SNX14: variants seen among roughly 807,000 people sequenced by gnomAD.
The protein encoded by SNX14 is sorting nexin 14, also known as sorting nexin-14.
Under a neutral mutation model 133.8 loss-of-function variants are expected in SNX14, and 93 were observed. That is an observed-to-expected ratio of 0.70 (90% CI 0.59 to 0.83). SNX14 has a LOEUF of 0.83. Ranked by LOEUF, SNX14 falls within the 40% of genes least tolerant of loss-of-function variation. The probability of loss-of-function intolerance (pLI) is 0.00; values close to 1 mark genes in which losing one functional copy is unlikely to be tolerated. For missense variants in SNX14, 945 were observed against 1,094.9 expected, an observed-to-expected ratio of 0.86 and a Z score of 1.93; for synonymous variants, 368 against 365.6, an observed-to-expected ratio of 1.01 and a Z score of -0.07.
At chr6:85,585,712 G>A (rs899522686) in intron 1 of SNX14, among the ~76,000 whole-genome samples, 8 of 152,008 alleles carry the variant, frequency 5.3e-5, no homozygotes, top group Admixed American at 6.5e-5. Context: ...TAGACCTAAC[G>A]GATGGAGTAA....
chr6:85,529,097 C>A (rs1411143975), intron 19 of SNX14, among the ~76,000 whole-genome samples: 1 of 150,700 alleles, frequency 6.6e-6, no homozygotes, highest in Non-Finnish European at 1.5e-5. Context: ...CCTGTCTCTA[C>A]TAAAAATACA....
chr6:85,558,057 C>A lies in SNX14; in HGVS notation c.553G>T (p.Asp185Tyr). 1.3e-6 allele frequency: 2 copies of A among 1,509,556 alleles called. No individual in the cohort carries two copies. The highest frequency in any genetic ancestry group is 1.8e-6 in the Non-Finnish European group (2 of 1,094,792). 93.5% of individuals were successfully genotyped at this position (1,509,556 alleles called of 1,614,324 possible). A position where few individuals can be genotyped will look rare whatever the true frequency, so the allele number is the denominator to read the frequency against. The change falls in exon 7 of 29, where the codon GAT becomes TAT. Residue 185 changes from aspartate to tyrosine, a missense_variant. Coordinates refer to ENST00000314673, the MANE Select transcript of SNX14 (RefSeq NM_153816.6). ...SVLIRRIHKV[D>Y]IPSIITKKLL... ...TTCTTGGTTATAATAGATGGAATAT[C>A]CACCTAGAAAAATTCAAGATTAAAA...
At chr6:85,590,054 G>C (rs979715428) in intron 1 of SNX14, among the ~76,000 whole-genome samples, 13 of 152,228 alleles carry the variant, frequency 8.5e-5, no homozygotes, top group African/African-American at 3.1e-4. Context: ...GCATAGTCCA[G>C]TATCAAAAGA....
chr6:85,531,903 C>T (rs1780428227), intron 18 of SNX14, among the ~76,000 whole-genome samples: 1 of 152,004 alleles, frequency 6.6e-6, no homozygotes, highest in Non-Finnish European at 1.5e-5. Context: ...TGACATGCAC[C>T]TATAGTCCCA....
chr6:85,576,999 C>T (rs1253051848), intron 1 of SNX14, among the ~76,000 whole-genome samples: 1 of 152,100 alleles, frequency 6.6e-6, no homozygotes, highest in Non-Finnish European at 1.5e-5. Flanking sequence ...AAAACTGTTG[C>T]AGTAATCTAT....
intron 21 of SNX14, among the ~76,000 whole-genome samples, chr6:85,524,474 T>C (rs1448603930): frequency 6.6e-6 from 1 of 151,932 alleles, no homozygotes; most frequent in Non-Finnish European, 1.5e-5. Flanking sequence ...GAGTGAGATG[T>C]CTCTGTTAAC....
Position 85,514,510 on chromosome 6 carries a change from A to G in SNX14, c.2388T>C (p.Tyr796=), listed in dbSNP as rs1195899216. 5.6e-6 allele frequency: 9 copies of G among 1,613,006 alleles called. No individual in the cohort carries two copies. The highest frequency in any genetic ancestry group is 7.6e-6 in the Non-Finnish European group (9 of 1,179,630). The change falls in exon 24 of 29, where the codon TAT becomes TAC. Residue 796 remains tyrosine, a synonymous_variant. Coordinates refer to ENST00000314673, the MANE Select transcript of SNX14 (RefSeq NM_153816.6). ...CTTAAACCACTTAGATCTTACCTAC[A>G]TACATCAGGTAATCATAGACTCCTT... ...TVEGVYDYLM[Y]VGRVVFQVPD... is the part of the protein sequence containing the mutation.
chr6:85,542,669 T>C lies in SNX14; in HGVS notation c.1389+513A>G, dbSNP rs572536356. ...TCGGCCTCCCAAAGTGCTGGGATTATAGGCCTGAGCCACCACACCCGGCCT... is the reference window on the plus strand; with the variant it reads ...TCGGCCTCCCAAAGTGCTGGGATTACAGGCCTGAGCCACCACACCCGGCCT... On this transcript the variant is annotated intron_variant, in intron 14 of 28. Transcript: ENST00000314673. Among the ~76,000 whole-genome samples, 23 of 152,186 alleles carry C rather than the reference T, an allele frequency of 1.5e-4. 1 individual carries two copies. Among genetic ancestry groups the C allele is most frequent in the Non-Finnish European group, 2.2e-4 (15 of 68,030 alleles).
chr6:85,548,776 G>C (rs565871884), intron 8 of SNX14, among the ~76,000 whole-genome samples: 1 of 152,042 alleles, frequency 6.6e-6, no homozygotes, highest in African/African-American at 2.4e-5. Flanking sequence ...AGACCAGCCT[G>C]GCCAACATGA....
chr6:85,568,496 C>T (rs1794610527), intron 4 of SNX14: 1 of 152,166 alleles, frequency 6.6e-6, no homozygotes, highest in Non-Finnish European at 1.5e-5. Context: ...ACACTCAAAT[C>T]AGTACATAAG....
At chr6:85,513,749 T>G in intron 26 of SNX14, 51 bp downstream of exon 26, 1 of 1,372,098 alleles carries the variant, frequency 7.3e-7, no homozygotes, top group Non-Finnish European at 1.0e-6. Flanking sequence ...CATTGTGACC[T>G]CAACGGACTG....
rs147040391 is a variant in SNX14, at chr6:85,558,555, G to A, written c.550-495C>T. Among the ~76,000 whole-genome samples the A allele has an allele frequency of 2.0e-3, 303 of 152,168 alleles. 5 individuals carry two copies. The East Asian group carries it at 0.045, about 22-fold the overall frequency. On this transcript the variant is annotated intron_variant, in intron 6 of 28. Transcript: ENST00000314673. Reference sequence around the variant, plus strand: ...CATCTCACTGCAGTCTCAGTCTCCCGGGCTCAGGTGATTCTCCCACCTCAG... The same window carrying A: ...CATCTCACTGCAGTCTCAGTCTCCCAGGCTCAGGTGATTCTCCCACCTCAG...
chr6:85,524,785 G>GAA (rs397885760), intron 21 of SNX14, among the ~76,000 whole-genome samples: 8 of 88,234 alleles, frequency 9.1e-5, no homozygotes, highest in Admixed American at 1.2e-4. Flanking sequence ...TTCCATCACA[G>GAA]AAAAAAAAAA....
At chr6:85,591,920 T>C (rs1306743033) in intron 1 of SNX14, among the ~76,000 whole-genome samples, 1 of 152,048 alleles carries the variant, frequency 6.6e-6, no homozygotes, top group Non-Finnish European at 1.5e-5. Context: ...GGCTGAGGCA[T>C]GAGAATCACT....
chr6:85,532,968 C>T (rs569879109), intron 18 of SNX14, among the ~76,000 whole-genome samples: 43 of 152,276 alleles, frequency 2.8e-4, no homozygotes, highest in Non-Finnish European at 5.6e-4. Flanking sequence ...CTCACTGCAA[C>T]CTCCGCCTCC....
intron 19 of SNX14, 152 bp downstream of exon 19, chr6:85,530,040 G>T: frequency 2.0e-6 from 1 of 503,084 alleles, no homozygotes. Context: ...AAGATAAACA[G>T]TACATTTCCG....
At chr6:85,515,197 C>T (rs971409613) in intron 23 of SNX14, among the ~76,000 whole-genome samples, 2 of 144,160 alleles carry the variant, frequency 1.4e-5, no homozygotes, top group Non-Finnish European at 3.0e-5. Flanking sequence ...AACCTGGGAG[C>T]CAGAGGTAAC....
At chr6:85,593,145 T>C (rs946685323) in intron 1 of SNX14, among the ~76,000 whole-genome samples, 2 of 151,954 alleles carry the variant, frequency 1.3e-5, no homozygotes, top group Non-Finnish European at 2.9e-5. Flanking sequence ...GCTGAGGGGG[T>C]GGGAGGTGGG....
chr6:85,542,122 T>C, intron 14 of SNX14, 79 bp from the exon 15 acceptor site: 1 of 1,010,614 alleles, frequency 9.9e-7, no homozygotes, highest in South Asian at 1.9e-5. Context: ...TTTACTACTT[T>C]CCAGTTTTGG....
Sources: allele counts gnomAD v4.1 joint callset (sites outside exome capture counted in the v4.1 genomes callset), GRCh38; gene constraint gnomAD v4.1.1; transcripts MANE v1.5; gene names NCBI Gene and HGNC (gene_info 2026-07-23, HGNC 2026-07-21).